PROM1: variants seen among roughly 807,000 people sequenced by gnomAD.
PROM1 encodes prominin 1.
In PROM1, 105 loss-of-function variants were observed where a neutral mutation model predicts 116.9. That is an observed-to-expected ratio of 0.90 (90% confidence interval 0.77 to 1.06). PROM1 has a LOEUF of 1.06. PROM1 is among the 50% of genes least tolerant of loss of function. The pLI, the probability that PROM1 is intolerant of heterozygous loss-of-function variation, is 0.00. For missense variants in PROM1, 1,122 were observed against 1,045.2 expected (o/e 1.07, Z -1.01); for synonymous variants, 393 against 387.0 (o/e 1.02, Z -0.18).
At chr4:15,994,734 T>C (rs1373941627) in intron 15 of PROM1, among the ~76,000 whole-genome samples, 2 of 152,206 alleles carry the variant, frequency 1.3e-5, no homozygotes, top group Non-Finnish European at 2.9e-5. Flanking sequence ...TGGATGTGTA[T>C]TCCTGCCACA....
At position 16,033,345 on chromosome 4, in the gene PROM1, T is replaced by C; in HGVS notation, c.468A>G (p.Lys156=). 1 of 1,613,898 alleles carries C rather than the reference T, an allele frequency of 6.2e-7. No individual in the cohort carries two copies. The highest frequency in any genetic ancestry group is 8.5e-7 in the Non-Finnish European group (1 of 1,179,830). The change falls in exon 5 of 28, where the codon AAA becomes AAG. Residue 156 remains lysine, a synonymous_variant. Coordinates refer to ENST00000447510, the MANE Select transcript of PROM1 (RefSeq NM_006017.3). ...RQKENGPFLR[K]CFAISLLVIC... Reference sequence around the variant, plus strand: ...TCACCAACAGGGAGATTGCAAAGCATTTCCTCAGGAAGGGCCCATTTTCCT... The same window carrying C: ...TCACCAACAGGGAGATTGCAAAGCACTTCCTCAGGAAGGGCCCATTTTCCT...
chr4:16,000,523 T>G lies in PROM1; in HGVS notation c.1551A>C (p.Glu517Asp). 6.3e-7 allele frequency: 1 copy of G among 1,595,544 alleles called. No homozygotes were observed. Among genetic ancestry groups the G allele is most frequent in the Non-Finnish European group, 8.6e-7 (1 of 1,163,678 alleles). The change falls in exon 14 of 28, where the codon GAA becomes GAC. Residue 517 changes from glutamate (E) to aspartate (D), a missense_variant. Physicochemically the swap from Glu to Asp is conservative, Grantham distance 45. Coordinates refer to ENST00000447510, the MANE Select transcript of PROM1 (RefSeq NM_006017.3). ...GGAATAATTCCTTGCTCGTGTAAGGTTCACAGATCAGTTTTTCCACATTTG... is the reference window on the plus strand; with the variant it reads ...GGAATAATTCCTTGCTCGTGTAAGGGTCACAGATCAGTTTTTCCACATTTG... The part of the protein sequence containing the change: ...FGANVEKLIC[E>D]PYTSKELFRV...
intron 17 of PROM1, 111 bp downstream of exon 17, chr4:15,992,137 G>C: frequency 7.1e-7 from 1 of 1,398,724 alleles, no homozygotes; most frequent in Non-Finnish European, 1.0e-6. Flanking sequence ...CTTTAAAATA[G>C]TCTTACATCA....
chr4:16,023,697 A>G (rs1045261909), intron 7 of PROM1, among the ~76,000 whole-genome samples: 2 of 152,194 alleles, frequency 1.3e-5, no homozygotes, highest in East Asian at 1.9e-4. Context: ...CGGCTAGACC[A>G]GAGTTCGCAC....
chr4:15,992,497 A>C (rs1009543909), intron 16 of PROM1, 106 bp from the exon 17 acceptor site: 1 of 1,235,912 alleles, frequency 8.1e-7, no homozygotes, highest in Non-Finnish European at 1.1e-6. Context: ...TCATGCCTGC[A>C]ATCCTAGCAC....
intron 2 of PROM1, among the ~76,000 whole-genome samples, chr4:16,042,657 TA>T (rs1347571314): frequency 6.6e-6 from 1 of 152,184 alleles, no homozygotes; most frequent in African/African-American, 2.4e-5. Context: ...GATCAAACTA[TA>T]AAAAATTAAT....
intron 2 of PROM1, among the ~76,000 whole-genome samples, chr4:16,073,378 A>G (rs1560621802): frequency 6.6e-6 from 1 of 152,184 alleles, no homozygotes; most frequent in Non-Finnish European, 1.5e-5. Context: ...TTATGAGGGC[A>G]TCTATTTATG....
intron 23 of PROM1, 69 bp from the exon 24 acceptor site, chr4:15,980,606 ATTTTTTTTTTT>A (rs200645062): frequency 1.8e-5 from 13 of 734,110 alleles, no homozygotes; most frequent in East Asian, 1.3e-4. Flanking sequence ...TGTTTGGGGG[ATTTTTTTTTTT>A]TTTTTTTTTT....
intron 8 of PROM1, 50 bp from the exon 9 acceptor site, chr4:16,018,590 T>C: frequency 6.6e-7 from 1 of 1,510,078 alleles, no homozygotes; most frequent in Non-Finnish European, 9.0e-7. Context: ...TCCCTCCTCA[T>C]CTACAAAAGT....
intron 7 of PROM1, among the ~76,000 whole-genome samples, chr4:16,023,948 C>G (rs1459071674): frequency 6.6e-6 from 1 of 152,218 alleles, no homozygotes; most frequent in Non-Finnish European, 1.5e-5. Flanking sequence ...CTGAAGCCAC[C>G]GGTTTCTCTG....
chr4:16,004,776 T>C (rs1289500592), intron 13 of PROM1, among the ~76,000 whole-genome samples: 1 of 152,082 alleles, frequency 6.6e-6, no homozygotes, highest in Non-Finnish European at 1.5e-5. Context: ...CTCCTTTTTT[T>C]CTTCTCTGTC....
intron 2 of PROM1, among the ~76,000 whole-genome samples, chr4:16,048,520 G>A (rs1244905220): frequency 6.6e-6 from 1 of 152,164 alleles, no homozygotes. Flanking sequence ...CGTGTCGAAT[G>A]TATCCCCGGT....
chr4:16,054,815 CTA>C (rs1475306009), intron 2 of PROM1, among the ~76,000 whole-genome samples: 1 of 152,068 alleles, frequency 6.6e-6, no homozygotes, highest in Non-Finnish European at 1.5e-5. Context: ...ATTTCCCCAC[CTA>C]TCAAAACCCT....
At chr4:16,003,307 C>A (rs1488761504) in intron 13 of PROM1, 2 of 456,594 alleles carry the variant, frequency 4.4e-6, no homozygotes, top group Non-Finnish European at 8.8e-6. Flanking sequence ...AAACACCTCC[C>A]TCTTCATGAT....
Position 16,033,293 on chromosome 4 carries a change from A to G in PROM1, c.509+11T>C, listed in dbSNP as rs372727923. 1.2e-6 allele frequency: 2 copies of G among 1,601,380 alleles called. No individual in the cohort carries two copies. The highest frequency in any genetic ancestry group is 1.3e-5 in the African/African-American group (1 of 74,564). On this transcript the variant is annotated intron_variant, in intron 5 of 27. Transcript: ENST00000447510. ...AAAACACAATCAGTTGTTGTCCAATATTGTACTTGCCTTATTATTATACAA... is the reference window on the plus strand; with the variant it reads ...AAAACACAATCAGTTGTTGTCCAATGTTGTACTTGCCTTATTATTATACAA...
chr4:16,002,275 A>T (rs1388146999), intron 13 of PROM1, among the ~76,000 whole-genome samples: 1 of 152,228 alleles, frequency 6.6e-6, no homozygotes, highest in Non-Finnish European at 1.5e-5. Flanking sequence ...TTGTCAGACT[A>T]TGGCAAGTCC....
intron 5 of PROM1, among the ~76,000 whole-genome samples, chr4:16,028,475 T>C (rs1731876615): frequency 6.6e-6 from 1 of 152,200 alleles, no homozygotes. Flanking sequence ...AATTTTTAAA[T>C]ATTAGCAACT....
At chr4:16,030,312 T>C (rs1015583781) in intron 5 of PROM1, among the ~76,000 whole-genome samples, 14 of 152,232 alleles carry the variant, frequency 9.2e-5, no homozygotes, top group African/African-American at 3.1e-4. Context: ...ATAAATTCAA[T>C]GTGCTATATG....
rs1354034581 is a variant in PROM1, at chr4:16,023,188, A to G, written c.784+138T>C. ...CAAGCTATTGCAACACAGTGTCTTG[A>G]CCTGAACTGTCTGCATGGCCACGGA... is the stretch of plus-strand genomic sequence containing the variant. On this transcript the variant is annotated intron_variant, in intron 8 of 27. Coordinates refer to ENST00000447510, the MANE Select transcript of PROM1 (RefSeq NM_006017.3). 17 of 723,200 alleles carry G rather than the reference A, an allele frequency of 2.4e-5. No individual in the cohort carries two copies. In the South Asian group the frequency reaches 2.6e-4, roughly 11 times the overall value. The allele number at this position is 723,200 out of a possible 1,614,324, so 44.8% of individuals were successfully genotyped here. A position where few individuals can be genotyped will look rare whatever the true frequency, so the allele number is the denominator to read the frequency against.
Sources: allele counts gnomAD v4.1 joint callset (sites outside exome capture counted in the v4.1 genomes callset), GRCh38; gene constraint gnomAD v4.1.1; transcripts MANE v1.5; gene names NCBI Gene and HGNC (gene_info 2026-07-23, HGNC 2026-07-21).